The following MYO3A variants were observed in gnomAD, a reference collection of about 807,000 sequenced individuals.
MYO3A encodes myosin IIIA, also known as myosin-IIIa.
A neutral mutation model predicts 192.7 loss-of-function variants in MYO3A; 180 were observed. The observed-to-expected ratio is 0.93, with a 90% CI of 0.83 to 1.06. MYO3A has a LOEUF of 1.06. MYO3A is among the 50% of genes least tolerant of loss of function. The pLI is 0.00. For synonymous variants in MYO3A, 628 were observed against 645.3 expected, an observed-to-expected ratio of 0.97 and a Z score of 0.41; for missense variants, 1,896 against 1,905.0, an observed-to-expected ratio of 1.00 and a Z score of 0.09.
chr10:25,959,973 T>C (rs1837823422), intron 4 of MYO3A, among the ~76,000 whole-genome samples: 1 of 152,080 alleles, frequency 6.6e-6, no homozygotes, highest in Non-Finnish European at 1.5e-5. Flanking sequence ...ACCTCTACTA[T>C]TCCCTAGCAC....
rs192835482 is a variant in MYO3A at position 25,961,328 on chromosome 10, G to C, written c.303+6320G>C. The stretch of plus-strand genomic sequence containing the variant: ...TATTAAATCCCTATTCTAATATCTT[G>C]GCATTTCTCACCTGGAATTAGGAGA... On this transcript the variant is annotated intron_variant, in intron 4 of 34. Coordinates refer to ENST00000642920, the MANE Select transcript of MYO3A (RefSeq NM_017433.5). 1.6e-3 allele frequency among the ~76,000 whole-genome samples: 249 copies of C among 152,044 alleles called. 1 individual carries two copies. The highest frequency in any genetic ancestry group is 5.9e-3 in the African/African-American group (244 of 41,486).
In MYO3A at chr10:26,151,082, T is replaced by G. The variant is rs77484033; in HGVS notation, c.2636-2768T>G. On this transcript the variant is annotated intron_variant, in intron 23 of 34. Coordinates refer to ENST00000642920, the MANE Select transcript of MYO3A (RefSeq NM_017433.5). ...CATTTAACTTTATTGAGATATGTTTTAAGACCCATAATATTATCTGTCTTA... is the reference window on the plus strand; with the variant it reads ...CATTTAACTTTATTGAGATATGTTTGAAGACCCATAATATTATCTGTCTTA... 6.1e-3 allele frequency among the ~76,000 whole-genome samples: 922 copies of G among 152,318 alleles called. 14 individuals carry two copies. The highest frequency in any genetic ancestry group is 0.021 in the African/African-American group (860 of 41,584).
At chr10:26,168,900 TG>T in intron 28 of MYO3A, 26 bp downstream of exon 28, 1 of 1,592,292 alleles carries the variant, frequency 6.3e-7, no homozygotes, top group Non-Finnish European at 8.6e-7. Flanking sequence ...TATTTAGATA[TG>T]GTCATAAAAT....
At chr10:25,991,181 C>G (rs1334339216) in intron 4 of MYO3A, among the ~76,000 whole-genome samples, 1 of 152,166 alleles carries the variant, frequency 6.6e-6, no homozygotes. Flanking sequence ...CCTGTTGTTT[C>G]CTGACTTTTT....
At chr10:26,206,270 AG>A (rs972952357) in intron 34 of MYO3A, among the ~76,000 whole-genome samples, 1 of 151,118 alleles carries the variant, frequency 6.6e-6, no homozygotes, top group African/African-American at 2.4e-5. Flanking sequence ...CATGTTGGCC[AG>A]GCTGGTCTTG....
chr10:26,151,772 C>T (rs924426830), intron 23 of MYO3A, among the ~76,000 whole-genome samples: 2 of 152,204 alleles, frequency 1.3e-5, no homozygotes, highest in Non-Finnish European at 1.5e-5. Context: ...TTCCCTCACT[C>T]GCTGCATTTC....
At chr10:26,018,660 G>C (rs1219730704) in intron 7 of MYO3A, among the ~76,000 whole-genome samples, 2 of 152,158 alleles carry the variant, frequency 1.3e-5, no homozygotes, top group African/African-American at 4.8e-5. Flanking sequence ...AGCGACTGTA[G>C]TAGGTGACTG....
chr10:25,988,939 C>CTTTTTTTT (rs56308717), intron 4 of MYO3A, among the ~76,000 whole-genome samples: 1,647 of 116,658 alleles, frequency 0.014, 21 homozygotes, highest in Non-Finnish European at 0.02. Context: ...CCCTAAAACT[C>CTTTTTTTT]TTTTTTTTTT....
chr10:26,165,117 T>C (rs1390301922), intron 26 of MYO3A, among the ~76,000 whole-genome samples: 2 of 152,168 alleles, frequency 1.3e-5, no homozygotes, highest in Admixed American at 1.3e-4. Context: ...ATATGTTCAT[T>C]TTAGAGGTTT....
intron 14 of MYO3A, among the ~76,000 whole-genome samples, chr10:26,077,255 T>TTTTTTTTTTTTTTCC (rs1835647309): frequency 7.1e-6 from 1 of 141,650 alleles, no homozygotes; most frequent in East Asian, 2.0e-4. Context: ...TTTTTTTTTT[T>TTTTTTTTTTTTTTCC]GCAGCTGTTG....
intron 10 of MYO3A, 132 bp downstream of exon 10, chr10:26,026,664 C>T: frequency 9.9e-7 from 1 of 1,010,866 alleles, no homozygotes; most frequent in Non-Finnish European, 1.5e-6. Context: ...TGAATGTCAC[C>T]TGTTGAAATG....
At chr10:26,156,194 T>G (rs1226078521) in intron 25 of MYO3A, among the ~76,000 whole-genome samples, 1 of 152,246 alleles carries the variant, frequency 6.6e-6, no homozygotes, top group East Asian at 1.9e-4. Context: ...CCCAGCTGTT[T>G]GAAAAGATCA....
chr10:26,088,077 A>C, intron 14 of MYO3A, 126 bp from the exon 15 acceptor site: 1 of 750,138 alleles, frequency 1.3e-6, no homozygotes, highest in South Asian at 2.1e-5. Flanking sequence ...AACATCTGCC[A>C]ATATATCAGG....
intron 17 of MYO3A, among the ~76,000 whole-genome samples, chr10:26,111,260 A>G (rs1838160340): frequency 6.6e-6 from 1 of 152,162 alleles, no homozygotes; most frequent in East Asian, 1.9e-4. Context: ...TTTCAGCCAT[A>G]TTCCAGGTGA....
At chr10:25,958,720 A>G (rs1837724190) in intron 4 of MYO3A, among the ~76,000 whole-genome samples, 2 of 152,188 alleles carry the variant, frequency 1.3e-5, no homozygotes, top group Admixed American at 6.5e-5. Flanking sequence ...CTTCCTATCC[A>G]TGAGCATGGA....
At chr10:26,147,609 T>C in intron 23 of MYO3A, 50 bp downstream of exon 23, 1 of 1,612,036 alleles carries the variant, frequency 6.2e-7, no homozygotes, top group East Asian at 2.2e-5. Context: ...AATCAAATAG[T>C]TTCTATCTCT....
At chr10:26,132,237 C>T (rs936891778) in intron 20 of MYO3A, among the ~76,000 whole-genome samples, 4 of 152,180 alleles carry the variant, frequency 2.6e-5, no homozygotes, top group East Asian at 3.8e-4. Flanking sequence ...TGTGATATAA[C>T]GACTGAAGTT....
intron 4 of MYO3A, among the ~76,000 whole-genome samples, chr10:25,965,825 G>A (rs1434545078): frequency 1.3e-5 from 2 of 151,968 alleles, no homozygotes; most frequent in African/African-American, 4.8e-5. Flanking sequence ...TGCTCTAACA[G>A]GACAGTACTG....
At chr10:26,206,718 G>T (rs1589127404) in intron 34 of MYO3A, among the ~76,000 whole-genome samples, 1 of 149,458 alleles carries the variant, frequency 6.7e-6, no homozygotes, top group Non-Finnish European at 1.5e-5. Context: ...CAAAGTGCTG[G>T]GATTACAGGC....
Sources: gnomAD v4.1 joint callset for allele counts (sites outside exome capture counted in the v4.1 genomes callset) on GRCh38, gnomAD v4.1.1 for gene constraint, MANE v1.5 for transcripts, NCBI Gene and HGNC (gene_info 2026-07-23, HGNC 2026-07-21) for gene names.